DLG2: variants seen among roughly 807,000 people sequenced by gnomAD.
The protein encoded by DLG2 is discs large MAGUK scaffold protein 2.
DLG2 carries 45 observed loss-of-function variants against 132.5 expected under a neutral mutation model. That is an observed-to-expected ratio of 0.34 (90% CI 0.27 to 0.44). The LOEUF (loss-of-function observed/expected upper bound fraction) is 0.44, where lower values mean the gene tolerates loss of function less well. DLG2 is among the 20% of genes least tolerant of loss of function. DLG2 has a pLI of 1.00. For missense variants in DLG2, 1,045 were observed against 1,196.9 expected, an observed-to-expected ratio of 0.87 and a Z score of 1.87; for synonymous variants, 424 against 419.6, an observed-to-expected ratio of 1.01 and a Z score of -0.13.
At chr11:84,797,817 T>C (rs1409573620) in intron 6 of DLG2, among the ~76,000 whole-genome samples, 1 of 152,198 alleles carries the variant, frequency 6.6e-6, no homozygotes, top group African/African-American at 2.4e-5. Flanking sequence ...TCTTGTATTC[T>C]TCACAATTTT....
chr11:84,207,081 C>CTATATATATATATATA, intron 8 of DLG2, among the ~76,000 whole-genome samples: 1 of 147,000 alleles, frequency 6.8e-6, no homozygotes, highest in South Asian at 2.2e-4. Context: ...CTCTCTCTCT[C>CTATATATATATATATA]TATATATATA....
chr11:84,394,774 A>G (rs1272284120), intron 7 of DLG2, among the ~76,000 whole-genome samples: 1 of 152,110 alleles, frequency 6.6e-6, no homozygotes, highest in Non-Finnish European at 1.5e-5. Context: ...GGTGTGCACC[A>G]GCACGCCCAG....
At chr11:85,043,188 G>A (rs1389555607) in intron 6 of DLG2, among the ~76,000 whole-genome samples, 2 of 151,636 alleles carry the variant, frequency 1.3e-5, no homozygotes, top group African/African-American at 4.8e-5. Context: ...ACAAAGTTCT[G>A]TTATAAATAA....
chr11:83,984,192 T>TGATAGATA (rs56166694), intron 11 of DLG2, among the ~76,000 whole-genome samples: 88 of 142,156 alleles, frequency 6.2e-4, no homozygotes, highest in African/African-American at 1.7e-3. Context: ...GATAGATAGA[T>TGATAGATA]GATAGATAGA....
Position 83,517,514 on chromosome 11 carries a change from C to T in DLG2, c.2193+15194G>A, listed in dbSNP as rs10898132. Reference sequence around the variant, plus strand: ...GTTTGATCTTCTGAAGCCTTCTTCTCTCAACTCATCGAAGTCAGTCTCTGT... The same window carrying T: ...GTTTGATCTTCTGAAGCCTTCTTCTTTCAACTCATCGAAGTCAGTCTCTGT... On this transcript the variant is annotated intron_variant, in intron 21 of 27. Coordinates refer to ENST00000376104, the MANE Select transcript of DLG2 (RefSeq NM_001142699.3). Among the ~76,000 whole-genome samples, 6 of 152,174 alleles carry T rather than the reference C, an allele frequency of 3.9e-5. No homozygotes were observed. The East Asian group carries it at 9.7e-4, about 24-fold the overall frequency.
At chr11:84,770,336 G>C (rs2069104066) in intron 6 of DLG2, among the ~76,000 whole-genome samples, 1 of 152,110 alleles carries the variant, frequency 6.6e-6, no homozygotes, top group African/African-American at 2.4e-5. Flanking sequence ...AGATTCAGGG[G>C]TACATGTGCA....
At chr11:83,831,378 C>T (rs2054450250) in intron 17 of DLG2, among the ~76,000 whole-genome samples, 2 of 152,288 alleles carry the variant, frequency 1.3e-5, no homozygotes, top group South Asian at 4.1e-4. Context: ...TTCCAGAGAA[C>T]TGCACCTGAT....
intron 3 of DLG2, among the ~76,000 whole-genome samples, chr11:85,446,651 T>A (rs1389344955): frequency 6.6e-6 from 1 of 152,172 alleles, no homozygotes; most frequent in Non-Finnish European, 1.5e-5. Flanking sequence ...AAGGCTTAAA[T>A]AACTAAAATT....
intron 5 of DLG2, among the ~76,000 whole-genome samples, chr11:85,144,744 C>A (rs945813465): frequency 6.6e-6 from 1 of 151,776 alleles, no homozygotes; most frequent in Non-Finnish European, 1.5e-5. Context: ...TGTTCTTTGA[C>A]TTTTAGTTGT....
intron 18 of DLG2, among the ~76,000 whole-genome samples, chr11:83,650,006 C>G (rs1255740904): frequency 6.6e-6 from 1 of 152,110 alleles, no homozygotes. Flanking sequence ...TTATTTGCCC[C>G]TAGTTATCCT....
intron 19 of DLG2, among the ~76,000 whole-genome samples, chr11:83,560,238 C>T (rs2096588664): frequency 6.6e-6 from 1 of 152,018 alleles, no homozygotes; most frequent in African/African-American, 2.4e-5. Context: ...TTGCCTCAGC[C>T]TCTGGAATAG....
At chr11:85,031,988 G>C (rs1463722638) in intron 6 of DLG2, among the ~76,000 whole-genome samples, 1 of 122,578 alleles carries the variant, frequency 8.2e-6, no homozygotes, top group African/African-American at 3.2e-5. Flanking sequence ...TTTCAGTAGA[G>C]GTGGTGTTTC....
intron 6 of DLG2, among the ~76,000 whole-genome samples, chr11:84,976,855 G>A (rs990578812): frequency 6.6e-6 from 1 of 152,140 alleles, no homozygotes; most frequent in African/African-American, 2.4e-5. Context: ...TAAGGTCTAA[G>A]TCTGAACCTC....
At chr11:85,466,735 AG>A (rs1277873075) in intron 3 of DLG2, among the ~76,000 whole-genome samples, 1 of 152,188 alleles carries the variant, frequency 6.6e-6, no homozygotes, top group Non-Finnish European at 1.5e-5. Context: ...GTTTGAAGTC[AG>A]GTAGCGTGGT....
chr11:84,210,998 C>T (rs1184055874), intron 8 of DLG2, among the ~76,000 whole-genome samples: 1 of 151,976 alleles, frequency 6.6e-6, no homozygotes, highest in Non-Finnish European at 1.5e-5. Context: ...TTCACTTAAA[C>T]ATTTAGGTAA....
intron 21 of DLG2, among the ~76,000 whole-genome samples, chr11:83,509,185 C>T (rs1278625357): frequency 6.6e-6 from 1 of 152,220 alleles, no homozygotes; most frequent in East Asian, 1.9e-4. Context: ...CTCTATTAGA[C>T]ACATTTTCTT....
chr11:83,846,933 TCCCAAG>T (rs2058723601), intron 16 of DLG2, among the ~76,000 whole-genome samples: 1 of 39,294 alleles, frequency 2.5e-5, no homozygotes, highest in Admixed American at 2.7e-4. Context: ...AATCATTATC[TCCCAAG>T]CCAAAAAAAA....
intron 5 of DLG2, among the ~76,000 whole-genome samples, chr11:85,149,313 G>A (rs539034732): frequency 6.6e-6 from 1 of 152,264 alleles, no homozygotes; most frequent in East Asian, 1.9e-4. Flanking sequence ...GACGGGAATA[G>A]CATTGAATCT....
chr11:85,232,172 G>A (rs1332564630), intron 4 of DLG2, among the ~76,000 whole-genome samples: 1 of 151,824 alleles, frequency 6.6e-6, no homozygotes, highest in East Asian at 1.9e-4. Flanking sequence ...TTGTTTCAGG[G>A]ATCACAGTCT....
Sources: allele counts gnomAD v4.1 joint callset (sites outside exome capture counted in the v4.1 genomes callset), GRCh38; gene constraint gnomAD v4.1.1; transcripts MANE v1.5; gene names NCBI Gene and HGNC (gene_info 2026-07-23, HGNC 2026-07-21).